The following STK31 variants were observed in gnomAD, a reference collection of about 807,000 sequenced individuals.
The protein encoded by STK31 is serine/threonine kinase 31.
Under a neutral mutation model 129.7 loss-of-function variants are expected in STK31, and 89 were observed. The ratio of observed to expected loss-of-function variants is 0.69; its 90% CI spans 0.58 to 0.82. STK31 has a LOEUF of 0.82. Ranked by LOEUF, STK31 falls within the 40% of genes least tolerant of loss-of-function variation. The probability of loss-of-function intolerance (pLI) is 0.00; values close to 1 mark genes in which losing one functional copy is unlikely to be tolerated. For synonymous variants in STK31, 448 were observed against 395.3 expected (o/e 1.13, Z -1.58); for missense variants, 1,187 against 1,176.4 (o/e 1.01, Z -0.13).
At chr7:23,806,901 G>GAAAAA (rs34751124) in intron 22 of STK31, among the ~76,000 whole-genome samples, 110 of 75,994 alleles carry the variant, frequency 1.4e-3, no homozygotes, top group African/African-American at 3.2e-3. Flanking sequence ...CTCCGTCTCA[G>GAAAAA]AAAAAAAAAA....
intron 5 of STK31, among the ~76,000 whole-genome samples, chr7:23,728,438 G>A (rs139601656): frequency 3.9e-5 from 6 of 152,174 alleles, no homozygotes; most frequent in East Asian, 1.9e-4. Context: ...ATAGAAAATG[G>A]TTTATTTTAG....
intron 6 of STK31, among the ~76,000 whole-genome samples, chr7:23,734,116 G>T (rs1355346591): frequency 6.6e-6 from 1 of 152,086 alleles, no homozygotes; most frequent in Non-Finnish European, 1.5e-5. Context: ...TTTTTAGTGT[G>T]TTTTTACACT....
At chr7:23,828,869 G>C (rs1279587008) in intron 23 of STK31, among the ~76,000 whole-genome samples, 1 of 151,918 alleles carries the variant, frequency 6.6e-6, no homozygotes, top group Non-Finnish European at 1.5e-5. Flanking sequence ...CAGTTCTTTA[G>C]AGGAATGTTT....
At chr7:23,776,937 C>T (rs1584428132) in intron 15 of STK31, among the ~76,000 whole-genome samples, 2 of 152,138 alleles carry the variant, frequency 1.3e-5, no homozygotes, top group Non-Finnish European at 2.9e-5. Context: ...TAGATCTTTT[C>T]CGCTTTCACC....
chr7:23,787,671 C>G (rs1462781140), intron 20 of STK31, among the ~76,000 whole-genome samples: 1 of 151,634 alleles, frequency 6.6e-6, no homozygotes, highest in Non-Finnish European at 1.5e-5. Context: ...GATCCTGAAA[C>G]CAACCCCCTG....
At chr7:23,758,451 G>A (rs74655186) in intron 10 of STK31, among the ~76,000 whole-genome samples, 1 of 150,008 alleles carries the variant, frequency 6.7e-6, no homozygotes, top group Non-Finnish European at 1.5e-5. Context: ...TGTTTTTTTT[G>A]TGTGTGTGTG....
intron 8 of STK31, among the ~76,000 whole-genome samples, chr7:23,743,693 G>T (rs1461992725): frequency 6.6e-6 from 1 of 152,012 alleles, no homozygotes; most frequent in African/African-American, 2.4e-5. Flanking sequence ...GACTTGGGAA[G>T]TTTTCAGCTA....
At chr7:23,789,351 A>G (rs1791483597) in intron 21 of STK31, among the ~76,000 whole-genome samples, 1 of 152,114 alleles carries the variant, frequency 6.6e-6, no homozygotes, top group African/African-American at 2.4e-5. Context: ...TGAGGAGCCA[A>G]ACTGTTTTCC....
In STK31 at chr7:23,772,892, G is replaced by A. The variant is rs183070147; in HGVS notation, c.1965+614G>A. Among the ~76,000 whole-genome samples, 284 of 152,230 alleles carry A rather than the reference G, an allele frequency of 1.9e-3. 2 individuals carry two copies. The highest frequency in any genetic ancestry group is 0.018 in the Admixed American group (282 of 15,286). On this transcript the variant is annotated intron_variant, in intron 15 of 23. Coordinates refer to ENST00000355870, the MANE Select transcript of STK31 (RefSeq NM_031414.5). ...TCTGTATTATGCCTTAATCCAATTTGAATTATCTGTCTTCTACTTCTGAGC... is the reference window on the plus strand; with the variant it reads ...TCTGTATTATGCCTTAATCCAATTTAAATTATCTGTCTTCTACTTCTGAGC...
chr7:23,753,099 T>A (rs1036346431), intron 9 of STK31, among the ~76,000 whole-genome samples: 2 of 152,194 alleles, frequency 1.3e-5, no homozygotes, highest in African/African-American at 4.8e-5. Context: ...TAAGTGATAG[T>A]TTGATGGGAA....
intron 8 of STK31, among the ~76,000 whole-genome samples, chr7:23,747,068 C>T (rs1788399744): frequency 6.6e-6 from 1 of 151,928 alleles, no homozygotes; most frequent in South Asian, 2.1e-4. Flanking sequence ...TTGTTGGATT[C>T]AGTTTTCTAA....
At chr7:23,730,243 A>T (rs896098120) in intron 6 of STK31, among the ~76,000 whole-genome samples, 6 of 152,242 alleles carry the variant, frequency 3.9e-5, no homozygotes, top group Non-Finnish European at 8.8e-5. Flanking sequence ...CAGCTCAAGT[A>T]GCTCATGTGG....
At chr7:23,744,078 C>T (rs891228377) in intron 8 of STK31, among the ~76,000 whole-genome samples, 1 of 151,744 alleles carries the variant, frequency 6.6e-6, no homozygotes, top group South Asian at 2.1e-4. Flanking sequence ...TGCCACCATG[C>T]TGAGCTAATA....
chr7:23,810,816 ATAAATATG>A (rs1793075842), intron 22 of STK31, among the ~76,000 whole-genome samples: 1 of 140,790 alleles, frequency 7.1e-6, no homozygotes, highest in African/African-American at 2.6e-5. Context: ...ATATTTGTAT[ATAAATATG>A]TATAAATATA....
chr7:23,781,849 A>G (rs547422149), intron 16 of STK31, among the ~76,000 whole-genome samples: 4 of 152,286 alleles, frequency 2.6e-5, no homozygotes, highest in South Asian at 4.1e-4. Context: ...TAGAATTGAG[A>G]TTATAGCACA....
chr7:23,750,926 A>G (rs144504995), intron 8 of STK31, among the ~76,000 whole-genome samples: 19 of 152,346 alleles, frequency 1.2e-4, no homozygotes, highest in Non-Finnish European at 1.9e-4. Flanking sequence ...TATACAATAC[A>G]TCATTAACTG....
chr7:23,824,636 T>G (rs1794002779), intron 23 of STK31, among the ~76,000 whole-genome samples: 1 of 152,204 alleles, frequency 6.6e-6, no homozygotes, highest in Non-Finnish European at 1.5e-5. Context: ...AACACTATGT[T>G]GAATAGGAGT....
intron 1 of STK31, 183 bp downstream of exon 1, chr7:23,710,518 G>A: frequency 1.4e-6 from 2 of 1,454,224 alleles, no homozygotes; most frequent in Non-Finnish European, 1.8e-6. Flanking sequence ...ATGCAGGCAG[G>A]CGAAAGTGGC....
At chr7:23,824,478 T>A (rs1793985960) in intron 23 of STK31, among the ~76,000 whole-genome samples, 1 of 152,234 alleles carries the variant, frequency 6.6e-6, no homozygotes, top group African/African-American at 2.4e-5. Context: ...AAGTTGCTTA[T>A]CAGCTTAAGG....
Sources: allele counts gnomAD v4.1 joint callset (sites outside exome capture counted in the v4.1 genomes callset), GRCh38; gene constraint gnomAD v4.1.1; transcripts MANE v1.5; gene names NCBI Gene and HGNC (gene_info 2026-07-23, HGNC 2026-07-21).